The following ZFPM2 variants were observed in gnomAD, a reference collection of about 807,000 sequenced individuals.
The protein encoded by ZFPM2 is zinc finger protein, FOG family member 2.
A neutral mutation model predicts 98.6 loss-of-function variants in ZFPM2; 20 were observed. The observed-to-expected ratio is 0.20, with a 90% confidence interval of 0.14 to 0.29. The LOEUF is 0.29. Among genes scored for constraint, ZFPM2 ranks in the 10% least tolerant of loss-of-function variants. The pLI is 1.00. For synonymous variants in ZFPM2, 518 were observed against 502.7 expected, an observed-to-expected ratio of 1.03 and a Z score of -0.41; for missense variants, 1,310 against 1,388.6, an observed-to-expected ratio of 0.94 and a Z score of 0.90.
At chr8:105,693,357 C>T (rs774388546) in intron 5 of ZFPM2, among the ~76,000 whole-genome samples, 2 of 152,124 alleles carry the variant, frequency 1.3e-5, no homozygotes, top group African/African-American at 2.4e-5. Context: ...CGGCAACTCG[C>T]GTTGGGACTT....
At chr8:105,643,233 C>G (rs1355065768) in intron 5 of ZFPM2, among the ~76,000 whole-genome samples, 1 of 152,110 alleles carries the variant, frequency 6.6e-6, no homozygotes, top group Non-Finnish European at 1.5e-5. Context: ...TAGTAGTAAA[C>G]CATCTGCCTT....
At chr8:105,435,370 A>G (rs1437600933) in intron 2 of ZFPM2, among the ~76,000 whole-genome samples, 4 of 152,206 alleles carry the variant, frequency 2.6e-5, no homozygotes. Flanking sequence ...TATAGTGGTT[A>G]TCCCATTAAA....
intron 5 of ZFPM2, among the ~76,000 whole-genome samples, chr8:105,659,306 G>A (rs1041705493): frequency 3.9e-5 from 6 of 152,002 alleles, no homozygotes; most frequent in Admixed American, 3.3e-4. Flanking sequence ...AAATCATACA[G>A]TGAACAGCAA....
At chr8:105,714,668 T>TGCTACTGAA (rs1811477003) in intron 5 of ZFPM2, among the ~76,000 whole-genome samples, 1 of 152,076 alleles carries the variant, frequency 6.6e-6, no homozygotes, top group African/African-American at 2.4e-5. Context: ...ATATAATGTA[T>TGCTACTGAA]GCTACTGAAC....
chr8:105,655,153 A>G (rs1817257704), intron 5 of ZFPM2, among the ~76,000 whole-genome samples: 1 of 152,010 alleles, frequency 6.6e-6, no homozygotes, highest in Non-Finnish European at 1.5e-5. Flanking sequence ...ACCATGAGGA[A>G]ATTGTTAATT....
intron 3 of ZFPM2, among the ~76,000 whole-genome samples, chr8:105,540,653 A>G (rs1269898022): frequency 6.6e-6 from 1 of 152,112 alleles, no homozygotes; most frequent in Non-Finnish European, 1.5e-5. Context: ...CAGTCCACTT[A>G]AAACAAACTA....
intron 1 of ZFPM2, among the ~76,000 whole-genome samples, chr8:105,357,266 C>A: frequency 6.6e-6 from 1 of 152,136 alleles, no homozygotes. Context: ...TCTCCTAATC[C>A]ACAGCAATTT....
chr8:105,753,901 G>C (rs527794526), intron 5 of ZFPM2, among the ~76,000 whole-genome samples: 1 of 152,228 alleles, frequency 6.6e-6, no homozygotes, highest in South Asian at 2.1e-4. Flanking sequence ...CAGCAAGTGT[G>C]TGCACTCAGT....
intron 5 of ZFPM2, among the ~76,000 whole-genome samples, chr8:105,753,623 C>A (rs1812525356): frequency 6.6e-6 from 1 of 151,430 alleles, no homozygotes; most frequent in African/African-American, 2.4e-5. Context: ...TACATGTAAC[C>A]AAAAAAAAGT....
intron 3 of ZFPM2, among the ~76,000 whole-genome samples, chr8:105,492,994 G>A (rs918040587): frequency 1.1e-4 from 17 of 152,162 alleles, no homozygotes; most frequent in African/African-American, 4.1e-4. Context: ...CATTGACTCA[G>A]TTTTGTTAGA....
intron 5 of ZFPM2, among the ~76,000 whole-genome samples, chr8:105,758,386 G>A (rs1812654983): frequency 6.6e-6 from 1 of 152,074 alleles, no homozygotes; most frequent in African/African-American, 2.4e-5. Flanking sequence ...CACAATAGTA[G>A]GTATTTTTAT....
intron 1 of ZFPM2, among the ~76,000 whole-genome samples, chr8:105,331,385 T>C (rs1472000346): frequency 1.3e-5 from 2 of 151,716 alleles, no homozygotes; most frequent in African/African-American, 2.4e-5. Context: ...TTTGATGTTC[T>C]TTGACTCTTG....
chr8:105,629,922 A>G (rs1816725743), intron 4 of ZFPM2, among the ~76,000 whole-genome samples: 1 of 152,158 alleles, frequency 6.6e-6, no homozygotes, highest in Admixed American at 6.5e-5. Flanking sequence ...CCATCTGGAT[A>G]GTCTAGGATA....
intron 5 of ZFPM2, among the ~76,000 whole-genome samples, chr8:105,666,318 T>G (rs1271716503): frequency 6.6e-6 from 1 of 152,200 alleles, no homozygotes; most frequent in East Asian, 1.9e-4. Flanking sequence ...CAAATAGCAA[T>G]TCAGTGTCTG....
chr8:105,337,752 G>GT (rs5893739), intron 1 of ZFPM2, among the ~76,000 whole-genome samples: 110,705 of 148,844 alleles, frequency 0.74, 41,500 homozygotes, highest in East Asian at 0.87. Flanking sequence ...CATAGTTCAT[G>GT]TTTTTTTTTT....
intron 3 of ZFPM2, among the ~76,000 whole-genome samples, chr8:105,496,139 G>A (rs1302675385): frequency 6.6e-6 from 1 of 151,912 alleles, no homozygotes. Context: ...ATTACATTTA[G>A]GTTTTGTATC....
intron 5 of ZFPM2, among the ~76,000 whole-genome samples, chr8:105,741,037 G>T (rs1352096017): frequency 6.6e-6 from 1 of 152,060 alleles, no homozygotes; most frequent in Non-Finnish European, 1.5e-5. Flanking sequence ...AGGGCAGCCT[G>T]CAGTGACTGG....
At chr8:105,729,210 G>C (rs1414207325) in intron 5 of ZFPM2, among the ~76,000 whole-genome samples, 2 of 151,648 alleles carry the variant, frequency 1.3e-5, no homozygotes, top group Non-Finnish European at 3.0e-5. Flanking sequence ...TCTTATGATT[G>C]AGAAACACTT....
At chr8:105,581,561 T>C (rs1815599981) in intron 4 of ZFPM2, among the ~76,000 whole-genome samples, 1 of 152,150 alleles carries the variant, frequency 6.6e-6, no homozygotes, top group African/African-American at 2.4e-5. Context: ...TGTTTATAAA[T>C]ACTGTAATTG....
Sources: allele counts gnomAD v4.1 joint callset (sites outside exome capture counted in the v4.1 genomes callset), GRCh38; gene constraint gnomAD v4.1.1; transcripts MANE v1.5; gene names NCBI Gene and HGNC (gene_info 2026-07-23, HGNC 2026-07-21).